SCAI: variants seen among roughly 807,000 people sequenced by gnomAD.
SCAI encodes the protein protein SCAI.
SCAI carries 24 observed loss-of-function variants against 92.2 expected under a neutral mutation model. That is an observed-to-expected ratio of 0.26 (90% CI 0.19 to 0.37). The LOEUF (loss-of-function observed/expected upper bound fraction) is 0.37. SCAI is among the 10% of genes least tolerant of loss of function. SCAI has a pLI of 1.00. For synonymous variants in SCAI, 261 were observed against 258.6 expected, an observed-to-expected ratio of 1.01 and a Z score of -0.09; for missense variants, 450 against 736.2, an observed-to-expected ratio of 0.61 and a Z score of 4.50.
intron 7 of SCAI, among the ~76,000 whole-genome samples, chr9:125,020,259 T>C (rs538747561): frequency 6.6e-6 from 1 of 152,188 alleles, no homozygotes; most frequent in Non-Finnish European, 1.5e-5. Flanking sequence ...CCTCAGTTAA[T>C]GAAGGAGAGA....
At chr9:124,993,364 G>A (rs1832174410) in intron 14 of SCAI, among the ~76,000 whole-genome samples, 1 of 152,198 alleles carries the variant, frequency 6.6e-6, no homozygotes, top group Non-Finnish European at 1.5e-5. Flanking sequence ...CAAGGCGGGT[G>A]GATCATCTGA....
At chr9:125,042,858 CTTTTTTTTTTTTTTT>C (rs770118712) in intron 3 of SCAI, among the ~76,000 whole-genome samples, 3 of 50,998 alleles carry the variant, frequency 5.9e-5, no homozygotes, top group South Asian at 7.7e-4. Context: ...TGCTCCCTGG[CTTTTTTTTTTTTTTT>C]TTTTTTTTTT....
chr9:125,085,694 T>C (rs1834311586), intron 2 of SCAI, among the ~76,000 whole-genome samples: 1 of 152,160 alleles, frequency 6.6e-6, no homozygotes, highest in Non-Finnish European at 1.5e-5. Flanking sequence ...GGTAGGAGGA[T>C]CACTTGAGCT....
chr9:124,955,612 C>A (rs1831304301), intron 17 of SCAI, among the ~76,000 whole-genome samples: 1 of 150,992 alleles, frequency 6.6e-6, no homozygotes, highest in Non-Finnish European at 1.5e-5. Flanking sequence ...CAGAGTGAGA[C>A]TCTGTCTCAA....
chr9:125,059,993 T>C (rs1319424225), intron 2 of SCAI, among the ~76,000 whole-genome samples: 1 of 152,228 alleles, frequency 6.6e-6, no homozygotes, highest in African/African-American at 2.4e-5. Context: ...TCTGTAAAAC[T>C]TTCCTTGAAA....
chr9:124,978,954 A>C (rs951798416), intron 14 of SCAI, among the ~76,000 whole-genome samples: 13 of 151,736 alleles, frequency 8.6e-5, no homozygotes, highest in Admixed American at 8.5e-4. Context: ...TCCGCTGCCC[A>C]GGTTCAAGTG....
At chr9:125,006,365 C>A (rs933012720) in intron 9 of SCAI, among the ~76,000 whole-genome samples, 1 of 152,152 alleles carries the variant, frequency 6.6e-6, no homozygotes, top group Non-Finnish European at 1.5e-5. Flanking sequence ...GTGAGATGCA[C>A]ACCCCCATCC....
intron 10 of SCAI, 86 bp downstream of exon 10, chr9:125,003,383 G>T: frequency 9.6e-7 from 1 of 1,041,842 alleles, no homozygotes; most frequent in Non-Finnish European, 1.5e-6. Flanking sequence ...ATTCAAGGCT[G>T]TAGTATCTGT....
intron 17 of SCAI, among the ~76,000 whole-genome samples, chr9:124,969,587 TACC>T (rs1415009984): frequency 6.6e-6 from 1 of 152,188 alleles, no homozygotes; most frequent in Non-Finnish European, 1.5e-5. Flanking sequence ...CACAATGTCC[TACC>T]ACTTTACATT....
intron 17 of SCAI, chr9:124,971,153 A>C: frequency 3.3e-6 from 1 of 307,558 alleles, no homozygotes; most frequent in Non-Finnish European, 5.9e-6. Flanking sequence ...TAGGTACTCA[A>C]ATGTGCCTTA....
At chr9:125,068,617 G>A (rs1346896670) in intron 2 of SCAI, among the ~76,000 whole-genome samples, 1 of 152,104 alleles carries the variant, frequency 6.6e-6, no homozygotes, top group East Asian at 1.9e-4. Context: ...GAAGCCAGGA[G>A]TTCAAGACCA....
intron 9 of SCAI, among the ~76,000 whole-genome samples, chr9:125,015,270 C>T (rs1228081759): frequency 1.9e-4 from 29 of 152,208 alleles, no homozygotes; most frequent in Non-Finnish European, 3.7e-4. Context: ...AGAAAATGTT[C>T]GCAACCTACT....
chr9:125,095,949 C>T (rs1376120275), intron 2 of SCAI, among the ~76,000 whole-genome samples: 2 of 152,196 alleles, frequency 1.3e-5, no homozygotes, highest in African/African-American at 4.8e-5. Context: ...GTGAGGGCTA[C>T]AACTGCTGTC....
chr9:124,993,332 T>C (rs1832173371), intron 14 of SCAI, among the ~76,000 whole-genome samples: 1 of 152,232 alleles, frequency 6.6e-6, no homozygotes, highest in African/African-American at 2.4e-5. Flanking sequence ...AACACGCCTG[T>C]AATCCCAACA....
intron 2 of SCAI, among the ~76,000 whole-genome samples, chr9:125,112,778 T>A (rs532986459): frequency 6.6e-6 from 1 of 152,292 alleles, no homozygotes; most frequent in East Asian, 1.9e-4. Flanking sequence ...ATATACAAGA[T>A]GAACCTGGAG....
intron 2 of SCAI, among the ~76,000 whole-genome samples, chr9:125,086,721 A>T (rs1296463179): frequency 1.3e-5 from 2 of 152,230 alleles, no homozygotes; most frequent in Non-Finnish European, 2.9e-5. Context: ...TAGGGGCAAG[A>T]GTGGCGTGGG....
intron 14 of SCAI, among the ~76,000 whole-genome samples, chr9:124,977,968 ATAAT>A (rs1473261290): frequency 3.9e-5 from 6 of 152,222 alleles, no homozygotes; most frequent in African/African-American, 1.4e-4. Flanking sequence ...GGTGAAAAAA[ATAAT>A]TATTTTTTTT....
At chr9:125,010,092 C>G (rs1832599691) in intron 9 of SCAI, among the ~76,000 whole-genome samples, 1 of 152,196 alleles carries the variant, frequency 6.6e-6, no homozygotes, top group Non-Finnish European at 1.5e-5. Context: ...GCCTACAGCT[C>G]CCAGGGTAAG....
chr9:125,058,876 G>A (rs1020765771), intron 2 of SCAI, among the ~76,000 whole-genome samples: 2 of 152,190 alleles, frequency 1.3e-5, no homozygotes, highest in East Asian at 1.9e-4. Context: ...AAAGACATAG[G>A]ATCAAGCTTG....
Sources: allele counts gnomAD v4.1 joint callset (sites outside exome capture counted in the v4.1 genomes callset), GRCh38; gene constraint gnomAD v4.1.1; transcripts MANE v1.5; gene names NCBI Gene and HGNC (gene_info 2026-07-23, HGNC 2026-07-21).